The following CA10 variants were observed in gnomAD, a reference collection of about 807,000 sequenced individuals.
CA10 encodes carbonic anhydrase-related protein 10.
CA10 carries 14 observed loss-of-function variants against 44.2 expected under a neutral mutation model. The ratio of observed to expected loss-of-function variants is 0.32; its 90% CI spans 0.21 to 0.50. CA10 has a LOEUF of 0.50. CA10 is among the 20% of genes least tolerant of loss of function. The pLI, the probability that CA10 is intolerant of heterozygous loss-of-function variation, is 0.99. For synonymous variants in CA10, 159 were observed against 141.6 expected (o/e 1.12, Z -0.87); for missense variants, 350 against 409.7 (o/e 0.85, Z 1.26).
intron 1 of CA10, among the ~76,000 whole-genome samples, chr17:52,098,180 ACT>A (rs1988452145): frequency 6.6e-6 from 1 of 152,038 alleles, no homozygotes; most frequent in Non-Finnish European, 1.5e-5. Context: ...TGTCCCAATC[ACT>A]CTCTGTCACA....
intron 2 of CA10, among the ~76,000 whole-genome samples, chr17:52,061,431 T>C (rs1987381922): frequency 6.6e-6 from 1 of 152,160 alleles, no homozygotes; most frequent in African/African-American, 2.4e-5. Context: ...TGTCCAACTT[T>C]TAAAATGGTA....
chr17:51,991,048 G>A (rs1311691698), intron 2 of CA10, among the ~76,000 whole-genome samples: 2 of 152,080 alleles, frequency 1.3e-5, no homozygotes, highest in Admixed American at 1.3e-4. Flanking sequence ...CTCTCTGAAC[G>A]TTATGTTTTT....
intron 2 of CA10, among the ~76,000 whole-genome samples, chr17:51,956,596 C>T (rs1388912041): frequency 6.6e-6 from 1 of 152,118 alleles, no homozygotes; most frequent in Non-Finnish European, 1.5e-5. Context: ...CACATTGCAG[C>T]ACTGCTTGTA....
chr17:51,788,300 AC>A (rs541942398), intron 3 of CA10, among the ~76,000 whole-genome samples: 1 of 152,258 alleles, frequency 6.6e-6, no homozygotes, highest in Non-Finnish European at 1.5e-5. Flanking sequence ...TTCTATTATG[AC>A]CAGAGAAGAT....
intron 3 of CA10, among the ~76,000 whole-genome samples, chr17:51,903,642 C>G (rs967089853): frequency 1.3e-5 from 2 of 152,150 alleles, no homozygotes; most frequent in Non-Finnish European, 2.9e-5. Context: ...TATACTCTTT[C>G]TAATTTTTTC....
chr17:52,067,014 G>A (rs1987555338), intron 2 of CA10, among the ~76,000 whole-genome samples: 1 of 152,222 alleles, frequency 6.6e-6, no homozygotes, highest in Admixed American at 6.5e-5. Context: ...TTTGCAGCCT[G>A]ATGATGTGAT....
intron 2 of CA10, among the ~76,000 whole-genome samples, chr17:51,964,754 A>G (rs189755329): frequency 2.6e-5 from 4 of 152,114 alleles, no homozygotes; most frequent in Admixed American, 2.6e-4. Flanking sequence ...ATGCAGCAAA[A>G]ACAGTGCTAA....
At chr17:51,911,068 G>A (rs72834210) in intron 3 of CA10, among the ~76,000 whole-genome samples, 2,001 of 152,216 alleles carry the variant, frequency 0.013, 23 homozygotes, top group Non-Finnish European at 0.022. Flanking sequence ...GCTGTGGGCC[G>A]ATTTTGAACC....
chr17:51,706,186 C>T (rs756484195), intron 4 of CA10, among the ~76,000 whole-genome samples: 7 of 152,166 alleles, frequency 4.6e-5, no homozygotes, highest in African/African-American at 7.2e-5. Flanking sequence ...GATGTAAGCT[C>T]ATGCTTAACA....
chr17:51,715,007 T>C (rs186467245), intron 4 of CA10, among the ~76,000 whole-genome samples: 133 of 152,354 alleles, frequency 8.7e-4, no homozygotes, highest in African/African-American at 3.1e-3. Context: ...TCTCACATTC[T>C]AAGTTTGTTG....
chr17:52,054,344 TC>T lies in CA10; in HGVS notation c.136+17974del, dbSNP rs1304748659. On this transcript the variant is annotated intron_variant, in intron 2 of 8. Coordinates refer to ENST00000451037, the MANE Select transcript of CA10 (RefSeq NM_020178.5). ...CCCAGGCTTATTAGGATGAGGAAAT[TC>T]CCGCCTAATAAATTTTGGTAAGACT... 2.0e-5 allele frequency among the ~76,000 whole-genome samples: 3 copies of T among 152,010 alleles called. No individual in the cohort carries two copies. The East Asian group carries it at 5.8e-4, about 29-fold the overall frequency.
At chr17:52,155,084 C>T (rs1017004900) in intron 1 of CA10, among the ~76,000 whole-genome samples, 17 of 152,204 alleles carry the variant, frequency 1.1e-4, no homozygotes, top group African/African-American at 3.9e-4. Flanking sequence ...CTACTACCAA[C>T]ATTTTCCTTC....
intron 1 of CA10, among the ~76,000 whole-genome samples, chr17:52,123,775 T>G (rs1989062498): frequency 1.3e-5 from 2 of 152,200 alleles, no homozygotes. Context: ...TCAATGCATA[T>G]TTATTGAATA....
At chr17:51,868,823 C>A (rs924095589) in intron 3 of CA10, among the ~76,000 whole-genome samples, 6 of 151,916 alleles carry the variant, frequency 3.9e-5, no homozygotes, top group Non-Finnish European at 7.4e-5. Flanking sequence ...TGATATAGAA[C>A]ACTCATGATC....
chr17:51,755,722 T>C (rs1387958369), intron 3 of CA10, among the ~76,000 whole-genome samples: 1 of 152,216 alleles, frequency 6.6e-6, no homozygotes, highest in Non-Finnish European at 1.5e-5. Flanking sequence ...GAGGATTTAC[T>C]ATGTGTCAGA....
chr17:52,029,705 TCA>T (rs1953698370), intron 2 of CA10, among the ~76,000 whole-genome samples: 1 of 152,158 alleles, frequency 6.6e-6, no homozygotes, highest in African/African-American at 2.4e-5. Context: ...TCAGTGACTT[TCA>T]CAGTCACCTT....
chr17:52,115,158 G>A (rs1988865815), intron 1 of CA10, among the ~76,000 whole-genome samples: 1 of 152,224 alleles, frequency 6.6e-6, no homozygotes, highest in African/African-American at 2.4e-5. Context: ...GCTCCTGTGT[G>A]GTGGCCTGGT....
intron 6 of CA10, among the ~76,000 whole-genome samples, chr17:51,636,481 A>C (rs1446884778): frequency 1.3e-5 from 2 of 152,158 alleles, no homozygotes; most frequent in Non-Finnish European, 2.9e-5. Flanking sequence ...GATGTTGGGG[A>C]TGCGAGGAAG....
intron 1 of CA10, among the ~76,000 whole-genome samples, chr17:52,116,585 A>T (rs576063267): frequency 6.6e-6 from 1 of 152,276 alleles, no homozygotes; most frequent in African/African-American, 2.4e-5. Flanking sequence ...TGGAAGAAGG[A>T]AAAAGGATGC....
Sources: gnomAD v4.1 joint callset for allele counts (sites outside exome capture counted in the v4.1 genomes callset) on GRCh38, gnomAD v4.1.1 for gene constraint, MANE v1.5 for transcripts, NCBI Gene and HGNC (gene_info 2026-07-23, HGNC 2026-07-21) for gene names.